Variants in SCHIP1 observed in about 807,000 individuals in gnomAD.
SCHIP1 encodes schwannomin-interacting protein 1.
SCHIP1 carries 8 observed loss-of-function variants against 29.7 expected under a neutral mutation model. The ratio of observed to expected loss-of-function variants is 0.27; its 90% CI spans 0.16 to 0.49. The LOEUF is 0.49. Ranked by LOEUF, SCHIP1 falls within the 20% of genes least tolerant of loss-of-function variation. The pLI, the probability that SCHIP1 is intolerant of heterozygous loss-of-function variation, is 0.99. For synonymous variants in SCHIP1, 76 were observed against 94.9 expected (o/e 0.80, Z 1.16); for missense variants, 193 against 294.6 (o/e 0.66, Z 2.52).
At chr3:159,518,852 AAAT>A in the SCHIP1 span, among the ~76,000 whole-genome samples, 1 of 152,166 alleles carries the variant, frequency 6.6e-6, no homozygotes, top group South Asian at 2.1e-4. Context: ...AAGAAAGATA[AAAT>A]AATTTATTCT....
the SCHIP1 span, among the ~76,000 whole-genome samples, chr3:159,404,698 A>T: frequency 1.3e-5 from 2 of 152,206 alleles, no homozygotes; most frequent in African/African-American, 4.8e-5. Context: ...CCCACCCAGG[A>T]CTAGCAGGAT....
the SCHIP1 span, among the ~76,000 whole-genome samples, chr3:159,833,006 C>T: frequency 1.3e-5 from 2 of 152,064 alleles, no homozygotes; most frequent in African/African-American, 2.4e-5. Context: ...CAGATATGTA[C>T]GTATGGGAAA....
the SCHIP1 span, among the ~76,000 whole-genome samples, chr3:159,445,862 T>A: frequency 9.4e-5 from 10 of 106,470 alleles, no homozygotes; most frequent in Non-Finnish European, 1.7e-4. Context: ...AACATCACAC[T>A]CTGGGGACTG....
At chr3:159,467,320 T>G in the SCHIP1 span, among the ~76,000 whole-genome samples, 7 of 152,150 alleles carry the variant, frequency 4.6e-5, no homozygotes, top group African/African-American at 1.4e-4. Flanking sequence ...AAAAAAGTGC[T>G]ATAGTGCTAC....
At chr3:159,420,701 A>G in the SCHIP1 span, among the ~76,000 whole-genome samples, 7 of 152,188 alleles carry the variant, frequency 4.6e-5, no homozygotes, top group African/African-American at 1.4e-4. Flanking sequence ...ATTATCAACC[A>G]CTCAGAAATG....
At chr3:159,400,197 A>G in the SCHIP1 span, among the ~76,000 whole-genome samples, 5 of 152,244 alleles carry the variant, frequency 3.3e-5, no homozygotes, top group African/African-American at 1.2e-4. Flanking sequence ...ATAGAATAAC[A>G]TGAATTAGGT....
the SCHIP1 span, among the ~76,000 whole-genome samples, chr3:159,632,057 T>C: frequency 2.0e-5 from 3 of 152,120 alleles, no homozygotes; most frequent in African/African-American, 7.2e-5. Flanking sequence ...TTTTTAAATC[T>C]ATGTTTTAGC....
At chr3:159,690,290 T>G in the SCHIP1 span, among the ~76,000 whole-genome samples, 1 of 152,230 alleles carries the variant, frequency 6.6e-6, no homozygotes, top group Non-Finnish European at 1.5e-5. Flanking sequence ...ATTGGTCTAT[T>G]CATGGATTCG....
chr3:159,667,254 C>G, the SCHIP1 span, among the ~76,000 whole-genome samples: 1 of 152,042 alleles, frequency 6.6e-6, no homozygotes, highest in Non-Finnish European at 1.5e-5. Context: ...GAGTGAGGAG[C>G]CTTTTGGGGG....
chr3:159,321,139 A>G, the SCHIP1 span, among the ~76,000 whole-genome samples: 1 of 152,016 alleles, frequency 6.6e-6, no homozygotes, highest in African/African-American at 2.4e-5. Flanking sequence ...TAATGTTTGC[A>G]TTTTTGGTAG....
chr3:159,615,921 G>A, the SCHIP1 span, among the ~76,000 whole-genome samples: 4 of 152,198 alleles, frequency 2.6e-5, no homozygotes, highest in African/African-American at 9.6e-5. Context: ...TTGATGATCA[G>A]CAGTGCCTAA....
the SCHIP1 span, among the ~76,000 whole-genome samples, chr3:159,616,032 A>G: frequency 6.6e-6 from 1 of 152,182 alleles, no homozygotes; most frequent in South Asian, 2.1e-4. Context: ...CTTCAAACCT[A>G]GAGTTGCTTC....
chr3:159,308,195 T>C, the SCHIP1 span, among the ~76,000 whole-genome samples: 4 of 152,160 alleles, frequency 2.6e-5, no homozygotes, highest in Non-Finnish European at 5.9e-5. Context: ...TTTTGATTCT[T>C]TCAGTCCATG....
the SCHIP1 span, among the ~76,000 whole-genome samples, chr3:159,485,427 A>C: frequency 6.6e-6 from 1 of 152,230 alleles, no homozygotes; most frequent in South Asian, 2.1e-4. Context: ...AAATCTCTGA[A>C]GGGCAACATT....
the SCHIP1 span, among the ~76,000 whole-genome samples, chr3:159,677,848 G>C: frequency 6.6e-6 from 1 of 151,880 alleles, no homozygotes; most frequent in Non-Finnish European, 1.5e-5. Context: ...TTTTTGTTTT[G>C]TTTTGGAGAC....
At chr3:159,330,292 C>T in the SCHIP1 span, among the ~76,000 whole-genome samples, 3 of 151,988 alleles carry the variant, frequency 2.0e-5, no homozygotes, top group East Asian at 5.8e-4. Flanking sequence ...GGAGAGATGG[C>T]ATTGTGTAAG....
At chr3:159,465,124 G>A in the SCHIP1 span, among the ~76,000 whole-genome samples, 1 of 152,088 alleles carries the variant, frequency 6.6e-6, no homozygotes, top group African/African-American at 2.4e-5. Context: ...GTTCTTCTAA[G>A]AAGTGCAAAT....
At chr3:159,675,142 T>A in the SCHIP1 span, among the ~76,000 whole-genome samples, 2 of 152,208 alleles carry the variant, frequency 1.3e-5, no homozygotes, top group Non-Finnish European at 2.9e-5. Context: ...GCTTTAGACA[T>A]TCAGAGGCAG....
the SCHIP1 span, among the ~76,000 whole-genome samples, chr3:159,769,865 T>G: frequency 2.0e-4 from 31 of 152,368 alleles, no homozygotes; most frequent in South Asian, 6.4e-3. Flanking sequence ...ATGGCATATG[T>G]ATGTGTTTTG....
Sources: allele counts gnomAD v4.1 joint callset (sites outside exome capture counted in the v4.1 genomes callset), GRCh38; gene constraint gnomAD v4.1.1; transcripts MANE v1.5; gene names NCBI Gene and HGNC (gene_info 2026-07-23, HGNC 2026-07-21).